Variants in SUSD6 observed in about 807,000 individuals in gnomAD.
SUSD6 encodes the protein sushi domain containing 6.
A neutral mutation model predicts 28.4 loss-of-function variants in SUSD6; 16 were observed. That is an observed-to-expected ratio of 0.56 (90% confidence interval 0.38 to 0.86). SUSD6 has a LOEUF of 0.86. Ranked by LOEUF, SUSD6 falls within the 40% of genes least tolerant of loss-of-function variation. SUSD6 has a pLI of 0.00. For missense variants in SUSD6, 341 were observed against 384.2 expected (o/e 0.89, Z 0.94); for synonymous variants, 147 against 159.6 (o/e 0.92, Z 0.59).
chr14:69,612,989 T>G (rs1449816619), intron 1 of SUSD6, among the ~76,000 whole-genome samples: 1 of 152,242 alleles, frequency 6.6e-6, no homozygotes, highest in Non-Finnish European at 1.5e-5. Flanking sequence ...TAGTGGAGGC[T>G]AGTAGAGACA....
chr14:69,664,059 A>G (rs904922087), intron 2 of SUSD6, among the ~76,000 whole-genome samples: 1 of 151,560 alleles, frequency 6.6e-6, no homozygotes, highest in Admixed American at 6.6e-5. Flanking sequence ...GCTCACTGCA[A>G]GCTCCACCTT....
chr14:69,635,034 G>C (rs190393836), intron 1 of SUSD6, among the ~76,000 whole-genome samples: 8 of 152,320 alleles, frequency 5.3e-5, no homozygotes, highest in Middle Eastern at 3.4e-3. Context: ...CAGTAGTTTG[G>C]TAATGAATTA....
At chr14:69,655,389 T>A (rs1468940393) in intron 1 of SUSD6, among the ~76,000 whole-genome samples, 1 of 152,196 alleles carries the variant, frequency 6.6e-6, no homozygotes, top group African/African-American at 2.4e-5. Context: ...CTTTCATATA[T>A]GTCATTGCAC....
intron 1 of SUSD6, among the ~76,000 whole-genome samples, chr14:69,614,832 C>T (rs1884935670): frequency 6.6e-6 from 1 of 152,190 alleles, no homozygotes. Flanking sequence ...TTGTCTTTCC[C>T]CTCTAGTTCC....
chr14:69,672,465 A>G (rs928985868), intron 2 of SUSD6, among the ~76,000 whole-genome samples: 1 of 152,218 alleles, frequency 6.6e-6, no homozygotes, highest in Non-Finnish European at 1.5e-5. Flanking sequence ...CAGAAGGCTA[A>G]GAAGAGCAGC....
At chr14:69,674,167 CT>C (rs1049106157) in intron 2 of SUSD6, among the ~76,000 whole-genome samples, 1 of 152,186 alleles carries the variant, frequency 6.6e-6, no homozygotes, top group African/African-American at 2.4e-5. Context: ...GACTGCATCA[CT>C]GTCGTGCCTG....
chr14:69,684,440 A>G (rs1183477382), intron 2 of SUSD6, among the ~76,000 whole-genome samples: 2 of 152,240 alleles, frequency 1.3e-5, no homozygotes, highest in Admixed American at 6.5e-5. Context: ...GAGAGATTCT[A>G]TCAGTGGGGA....
chr14:69,639,313 C>CAAAAAAAAAA (rs57837741), intron 1 of SUSD6, among the ~76,000 whole-genome samples: 13 of 54,580 alleles, frequency 2.4e-4, no homozygotes, highest in East Asian at 6.8e-4. Flanking sequence ...GACTCCGTCT[C>CAAAAAAAAAA]AAAAAAAAAA....
At chr14:69,636,352 A>C (rs1189922430) in intron 1 of SUSD6, among the ~76,000 whole-genome samples, 1 of 152,226 alleles carries the variant, frequency 6.6e-6, no homozygotes, top group Admixed American at 6.5e-5. Context: ...AGGTGAGACC[A>C]AGAGGAAGGC....
intron 1 of SUSD6, among the ~76,000 whole-genome samples, chr14:69,619,788 A>C (rs74060224): frequency 0.03 from 4,492 of 151,986 alleles, 151 homozygotes; most frequent in South Asian, 0.16. Context: ...AACAAACAAA[A>C]AAAAACCACC....
At chr14:69,651,799 T>C (rs1026381308) in intron 1 of SUSD6, among the ~76,000 whole-genome samples, 1 of 152,088 alleles carries the variant, frequency 6.6e-6, no homozygotes, top group Non-Finnish European at 1.5e-5. Context: ...AGAGGGGAGA[T>C]GTTGCAGGGA....
At chr14:69,657,249 G>A (rs1238114576) in intron 1 of SUSD6, among the ~76,000 whole-genome samples, 3 of 152,200 alleles carry the variant, frequency 2.0e-5, no homozygotes, top group African/African-American at 7.2e-5. Flanking sequence ...GAGGTCAGGA[G>A]TTTGAGACCA....
chr14:69,687,975 G>A (rs754170683), intron 2 of SUSD6, among the ~76,000 whole-genome samples: 1 of 151,602 alleles, frequency 6.6e-6, no homozygotes, highest in Non-Finnish European at 1.5e-5. Context: ...GCCTAATTAT[G>A]TAATTATACA....
At chr14:69,676,242 G>A (rs1885906938) in intron 2 of SUSD6, among the ~76,000 whole-genome samples, 2 of 152,204 alleles carry the variant, frequency 1.3e-5, no homozygotes, top group African/African-American at 4.8e-5. Flanking sequence ...AGAGAGAGGT[G>A]AGGAGGAGTT....
chr14:69,690,925 C>T (rs1343451395), intron 2 of SUSD6, among the ~76,000 whole-genome samples: 5 of 152,204 alleles, frequency 3.3e-5, no homozygotes, highest in Non-Finnish European at 7.3e-5. Flanking sequence ...AAACCACACA[C>T]CTTTTATTGT....
chr14:69,619,819 G>A (rs1393231958), intron 1 of SUSD6, among the ~76,000 whole-genome samples: 1 of 152,036 alleles, frequency 6.6e-6, no homozygotes, highest in African/African-American at 2.4e-5. Context: ...CCAATGGGAT[G>A]TGTGCTCTGT....
Position 69,638,676 on chromosome 14 carries a change from C to T in SUSD6, c.-80-19837C>T, listed in dbSNP as rs142985803. Among the ~76,000 whole-genome samples the T allele has an allele frequency of 5.5e-3, 833 of 152,298 alleles. 10 individuals are homozygous for T. Among genetic ancestry groups the T allele is most frequent in the African/African-American group, 0.019 (783 of 41,562 alleles). ...GGATGAAGGCTGAAATTCTTCATTT[C>T]TAACAAGCTCCCAGGTGCTGCCAGT... On this transcript the variant is annotated intron_variant, in intron 1 of 5. Coordinates refer to ENST00000342745, the MANE Select transcript of SUSD6 (RefSeq NM_014734.4).
intron 1 of SUSD6, among the ~76,000 whole-genome samples, chr14:69,646,030 G>A (rs1595040188): frequency 1.3e-5 from 2 of 152,162 alleles, no homozygotes; most frequent in African/African-American, 2.4e-5. Context: ...GATTACAAGC[G>A]TGAGCCACTG....
At chr14:69,705,061 ATC>A (rs1232855680) in intron 4 of SUSD6, among the ~76,000 whole-genome samples, 1 of 152,128 alleles carries the variant, frequency 6.6e-6, no homozygotes, top group African/African-American at 2.4e-5. Flanking sequence ...CATGCCTGTA[ATC>A]TCAGCACTTA....
Sources: gnomAD v4.1 joint callset for allele counts (sites outside exome capture counted in the v4.1 genomes callset) on GRCh38, gnomAD v4.1.1 for gene constraint, MANE v1.5 for transcripts, NCBI Gene and HGNC (gene_info 2026-07-23, HGNC 2026-07-21) for gene names.